TANC1: variants seen among roughly 807,000 people sequenced by gnomAD.
TANC1 encodes protein TANC1.
A neutral mutation model predicts 149.7 loss-of-function variants in TANC1; 77 were observed. That is an observed-to-expected ratio of 0.51 (90% CI 0.43 to 0.62). The LOEUF (loss-of-function observed/expected upper bound fraction) is 0.62, where lower values mean the gene tolerates loss of function less well. Ranked by LOEUF, TANC1 falls within the 20% of genes least tolerant of loss-of-function variation. TANC1 has a pLI of 0.00. For synonymous variants in TANC1, 854 were observed against 925.0 expected (o/e 0.92, Z 1.39); for missense variants, 1,985 against 2,321.8 (o/e 0.85, Z 2.98).
rs10602195 is a variant in TANC1 at position 158,981,491 on chromosome 2, T to TTATATA, written c.-126+12756_-126+12761dup. On this transcript the variant is annotated intron_variant, in intron 1 of 26. Transcript: ENST00000263635. ...AAGTTTAGCAATTAATATATAGCTT[T>TTATATA]TATATATATATATATATATATATAT... 4.5e-3 allele frequency among the ~76,000 whole-genome samples: 154 copies of TTATATA among 34,246 alleles called. 2 individuals carry two copies. Among genetic ancestry groups the TTATATA allele is most frequent in the East Asian group, 7.1e-3 (4 of 560 alleles). 22.5% of individuals were successfully genotyped at this position (34,246 alleles called of 152,430 possible).
At chr2:159,162,731 T>C (rs1478721002) in intron 7 of TANC1, among the ~76,000 whole-genome samples, 1 of 152,136 alleles carries the variant, frequency 6.6e-6, no homozygotes, top group Non-Finnish European at 1.5e-5. Context: ...AATAAGTCAG[T>C]CTCTCTGGAT....
At chr2:159,192,189 C>T (rs1025165580) in intron 16 of TANC1, among the ~76,000 whole-genome samples, 3 of 152,144 alleles carry the variant, frequency 2.0e-5, no homozygotes, top group East Asian at 1.9e-4. Flanking sequence ...TATTATGCTG[C>T]GGACAATCAT....
intron 4 of TANC1, among the ~76,000 whole-genome samples, chr2:159,119,143 T>G (rs2048593969): frequency 6.6e-6 from 1 of 152,210 alleles, no homozygotes. Flanking sequence ...TATTTTAATA[T>G]TCATTCTTCT....
At chr2:159,090,879 C>A (rs1193327325) in intron 3 of TANC1, among the ~76,000 whole-genome samples, 3 of 152,178 alleles carry the variant, frequency 2.0e-5, no homozygotes, top group Admixed American at 6.5e-5. Flanking sequence ...GGATCCACTT[C>A]GCTTGTATGG....
At chr2:159,026,170 C>T (rs768342814) in intron 2 of TANC1, among the ~76,000 whole-genome samples, 2 of 152,196 alleles carry the variant, frequency 1.3e-5, no homozygotes, top group Admixed American at 6.5e-5. Flanking sequence ...TGGCCTCAAG[C>T]AGTCCTCCTG....
chr2:158,993,552 A>G (rs1007676031), intron 1 of TANC1, among the ~76,000 whole-genome samples: 2 of 152,166 alleles, frequency 1.3e-5, no homozygotes, highest in African/African-American at 4.8e-5. Context: ...AGTCAAGTGA[A>G]GCAGTGGGAA....
At chr2:159,091,960 A>C (rs906114303) in intron 3 of TANC1, among the ~76,000 whole-genome samples, 1 of 103,386 alleles carries the variant, frequency 9.7e-6, no homozygotes, top group African/African-American at 3.3e-5. Flanking sequence ...TTCTGTAAAT[A>C]TAGGGGGGGG....
At chr2:159,171,405 G>A (rs2055189978) in intron 10 of TANC1, among the ~76,000 whole-genome samples, 1 of 152,198 alleles carries the variant, frequency 6.6e-6, no homozygotes, top group African/African-American at 2.4e-5. Flanking sequence ...GCCGAGGTGG[G>A]AGGATCGCTT....
At chr2:159,227,072 T>A (rs1426103066) in intron 24 of TANC1, 1 of 152,238 alleles carries the variant, frequency 6.6e-6, no homozygotes, top group Non-Finnish European at 1.5e-5. Context: ...TGTAGATTTT[T>A]TCCTTCTCAT....
intron 2 of TANC1, among the ~76,000 whole-genome samples, chr2:159,005,360 G>A (rs1036827771): frequency 1.3e-5 from 2 of 152,224 alleles, no homozygotes; most frequent in African/African-American, 4.8e-5. Flanking sequence ...GGAGGCTGAG[G>A]CAGGTGGATT....
At chr2:159,022,897 G>T (rs1405131122) in intron 2 of TANC1, among the ~76,000 whole-genome samples, 1 of 152,086 alleles carries the variant, frequency 6.6e-6, no homozygotes, top group Non-Finnish European at 1.5e-5. Flanking sequence ...ATGACTTTGG[G>T]CTAGGTCTTG....
At chr2:159,128,802 G>A (rs1209547390) in intron 4 of TANC1, among the ~76,000 whole-genome samples, 1 of 152,134 alleles carries the variant, frequency 6.6e-6, no homozygotes, top group African/African-American at 2.4e-5. Context: ...CAGGGGAAGA[G>A]GGGTCAAACT....
chr2:159,107,438 T>A (rs904514857), intron 4 of TANC1, among the ~76,000 whole-genome samples: 4 of 152,350 alleles, frequency 2.6e-5, no homozygotes, highest in African/African-American at 9.6e-5. Flanking sequence ...TCCAAGGTCA[T>A]AAAGATACAT....
At chr2:159,000,676 G>T (rs1440867696) in intron 1 of TANC1, among the ~76,000 whole-genome samples, 1 of 152,000 alleles carries the variant, frequency 6.6e-6, no homozygotes, top group African/African-American at 2.4e-5. Context: ...TGAAGAAGGG[G>T]ACATACTCAA....
chr2:159,150,665 C>T (rs1226422820), intron 7 of TANC1, 109 bp downstream of exon 7: 3 of 798,010 alleles, frequency 3.8e-6, no homozygotes, highest in South Asian at 3.3e-5. Flanking sequence ...GTCAGTCTGC[C>T]AGCGCCTGCT....
chr2:159,085,028 T>C (rs1574548985), intron 3 of TANC1, among the ~76,000 whole-genome samples: 1 of 152,118 alleles, frequency 6.6e-6, no homozygotes, highest in East Asian at 1.9e-4. Flanking sequence ...GGGTGAATAA[T>C]TAGTGTATTC....
At position 159,172,235 on chromosome 2, in the gene TANC1, G is replaced by T; in HGVS notation, c.1466G>T (p.Arg489Ile). The T allele has an allele frequency of 3.7e-6, 6 of 1,614,124 alleles. No homozygotes were observed. The highest frequency in any genetic ancestry group is 5.1e-6 in the Non-Finnish European group (6 of 1,179,988). ...PLGSISAENQ[R>I]PREDAVKYLA... ...GGGTCTATCAGTGCTGAAAACCAGA[G>T]ACCAAGAGAGGATGCAGTGAAATAT... is the stretch of plus-strand genomic sequence containing the variant. Residue 489 changes from arginine (R) to isoleucine (I), a missense_variant, in exon 11 of 27, where the codon AGA (arginine) becomes ATA (isoleucine). Around this residue, in one of 3 missense-constraint regions of TANC1, gnomAD observed 557 missense variants for 612.9 expected, o/e 0.91. Transcript: ENST00000263635.
intron 5 of TANC1, among the ~76,000 whole-genome samples, chr2:159,145,330 G>C (rs985833934): frequency 6.6e-6 from 1 of 152,162 alleles, no homozygotes; most frequent in African/African-American, 2.4e-5. Context: ...AAGGAAGTGC[G>C]GGCTCTTGGT....
intron 7 of TANC1, among the ~76,000 whole-genome samples, chr2:159,162,097 T>C (rs912851018): frequency 6.6e-6 from 1 of 152,212 alleles, no homozygotes; most frequent in African/African-American, 2.4e-5. Flanking sequence ...CCTGGGCCAC[T>C]GCAAGGAAAT....
Sources: allele counts gnomAD v4.1 joint callset (sites outside exome capture counted in the v4.1 genomes callset), GRCh38; gene constraint gnomAD v4.1.1; regional missense constraint gnomAD v4.1.1; transcripts MANE v1.5; gene names NCBI Gene and HGNC (gene_info 2026-07-23, HGNC 2026-07-21).